The following TST variants were observed in gnomAD, a reference collection of about 807,000 sequenced individuals.
The protein encoded by TST is epididymis secretory sperm binding protein.
A neutral mutation model predicts 20.4 loss-of-function variants in TST; 22 were observed. That is an observed-to-expected ratio of 1.08 (90% CI 0.77 to 1.54). The LOEUF (loss-of-function observed/expected upper bound fraction) is 1.54. Ranked by LOEUF, TST falls within the 40% of genes most tolerant of loss-of-function variation. The probability of loss-of-function intolerance (pLI) is 0.00; values close to 1 mark genes in which losing one functional copy is unlikely to be tolerated. For synonymous variants in TST, 187 were observed against 173.8 expected, an observed-to-expected ratio of 1.08 and a Z score of -0.60; for missense variants, 392 against 405.2, an observed-to-expected ratio of 0.97 and a Z score of 0.28.
upstream of TST, chr22:37,019,512 G>GC (rs1344569412): frequency 2.7e-5 from 4 of 149,646 alleles, no homozygotes; most frequent in Non-Finnish European, 5.9e-5. Flanking sequence ...CCGCCAGAGG[G>GC]GGACCCTGCG....
rs556221872 is a variant in TST at position 37,015,727 on chromosome 22, C to G, written c.595+2411G>C. Among the ~76,000 whole-genome samples, 39 of 152,254 alleles carry G rather than the reference C, an allele frequency of 2.6e-4. 1 individual carries two copies. Among genetic ancestry groups the G allele is most frequent in the South Asian group, 1.5e-3 (7 of 4,826 alleles). On this transcript the variant is annotated intron_variant, in intron 2 of 2. Coordinates refer to ENST00000249042, the MANE Select transcript of TST (RefSeq NM_003312.6). ...ATGCCCCTGTGTGTTACATCTGGAC[C>G]GCTGAACCTACAGGGTGCCTCCCTG...
intron 2 of TST, among the ~76,000 whole-genome samples, chr22:37,011,728 A>G (rs530250571): frequency 3.3e-4 from 50 of 152,226 alleles, no homozygotes; most frequent in Non-Finnish European, 4.6e-4. Flanking sequence ...AACTTATTGC[A>G]AATGCTATGT....
At chr22:37,012,766 C>T (rs1161611392) in intron 2 of TST, among the ~76,000 whole-genome samples, 2 of 152,230 alleles carry the variant, frequency 1.3e-5, no homozygotes, top group African/African-American at 4.8e-5. Context: ...CCCACCTAGG[C>T]CGGATGCAGT....
In TST at chr22:37,018,653, G is replaced by C. The variant is rs755178962; in HGVS notation, c.80C>G (p.Pro27Arg). The C allele has an allele frequency of 1.3e-6, 2 of 1,562,578 alleles. No homozygotes were observed. Among genetic ancestry groups the C allele is most frequent in the Non-Finnish European group, 1.7e-6 (2 of 1,154,212 alleles). ...GGACGCGTCCAGCACCCGCAGGCCG[G>C]GCCCCAGCTTGCCAGTCCTGATGGA... Reference protein sequence around the residue: ...AESIRTGKLGPGLRVLDASWY... With the variant: ...AESIRTGKLGRGLRVLDASWY... Residue 27 changes from proline (P) to arginine (R), a missense_variant, in exon 2 of 3, where the codon CCC (proline) becomes CGC (arginine). Physicochemically the swap from Pro to Arg is moderately radical, Grantham distance 103. Transcript: ENST00000249042.
intron 2 of TST, among the ~76,000 whole-genome samples, chr22:37,017,491 C>G (rs928541326): frequency 6.6e-6 from 1 of 152,130 alleles, no homozygotes; most frequent in East Asian, 1.9e-4. Context: ...GCATCTCAGT[C>G]CCCCCACCCC....
intron 2 of TST, among the ~76,000 whole-genome samples, chr22:37,014,374 A>C (rs1318246725): frequency 2.0e-5 from 3 of 152,070 alleles, no homozygotes; most frequent in African/African-American, 7.2e-5. Context: ...CGTCTCAAAA[A>C]ACAAACAAAC....
At chr22:37,019,225 C>A (rs1922855137) in intron 1 of TST, 175 bp downstream of exon 1, 1 of 156,908 alleles carries the variant, frequency 6.4e-6, no homozygotes, top group Non-Finnish European at 1.4e-5. Context: ...GCAGCCCGAG[C>A]TCGCCCGCCT....
Position 37,018,484 on chromosome 22 carries a change from C to G in TST, c.249G>C (p.Glu83Asp). Residue 83 changes from glutamate (E) to aspartate (D), a missense_variant, in exon 2 of 3, where the codon GAG (glutamate) becomes GAC (aspartate). Transcript: ENST00000249042. ...MMLPSEAGFA[E>D]YVGRLGISNH... is the part of the protein sequence containing the mutation. ...TGCTGATGCCCAGGCGGCCCACATA[C>G]TCGGCGAAGCCAGCCTCGCTGGGCA... 6.2e-7 allele frequency: 1 copy of G among 1,610,058 alleles called. No homozygotes were observed. The highest frequency in any genetic ancestry group is 2.2e-5 in the East Asian group (1 of 44,798).
At chr22:37,018,789 G>T in intron 1 of TST, 36 bp from the exon 2 acceptor site, 3 of 1,398,532 alleles carry the variant, frequency 2.1e-6, no homozygotes, top group Non-Finnish European at 2.8e-6. Flanking sequence ...AGAGACAGGC[G>T]TGAGGAAGGA....
chr22:37,013,769 C>T (rs985143633), intron 2 of TST, among the ~76,000 whole-genome samples: 1 of 152,274 alleles, frequency 6.6e-6, no homozygotes, highest in African/African-American at 2.4e-5. Flanking sequence ...GCATTCTTTC[C>T]CAAGAAACCC....
At chr22:37,012,522 C>T (rs1041073349) in intron 2 of TST, among the ~76,000 whole-genome samples, 9 of 152,230 alleles carry the variant, frequency 5.9e-5, no homozygotes, top group African/African-American at 2.2e-4. Flanking sequence ...TCCCAGTGCC[C>T]AACCTGCACT....
Position 37,011,060 on chromosome 22 carries a change from G to A in TST, c.861C>T (p.Ser287=), listed in dbSNP as rs1313825719. The change falls in exon 3 of 3, where the codon AGC becomes AGT. Residue 287 remains serine (S), a synonymous_variant. Transcript: ENST00000249042. ...SEWFRRAPPE[S]RVSQGKSEKA ...TCTCAGACTTTCCCTGGGACACACG[G>A]CTCTCTGGGGGGGCCCGGCGAAACC... 6.2e-7 allele frequency: 1 copy of A among 1,611,626 alleles called. No individual in the cohort carries two copies. The highest frequency in any genetic ancestry group is 8.5e-7 in the Non-Finnish European group (1 of 1,179,710).
chr22:37,016,940 G>A (rs1922702916), intron 2 of TST, among the ~76,000 whole-genome samples: 1 of 152,242 alleles, frequency 6.6e-6, no homozygotes, highest in Non-Finnish European at 1.5e-5. Context: ...AGGCCCTCCA[G>A]CTCTAAGAGT....
In TST at chr22:37,011,066, T is replaced by C; in HGVS notation, c.855A>G (p.Pro285=). The C allele has an allele frequency of 1.2e-6, 2 of 1,611,794 alleles. No homozygotes were observed. The highest frequency in any genetic ancestry group is 1.7e-5 in the Admixed American group (1 of 60,010). Residue 285 remains proline (P), a synonymous_variant, in exon 3 of 3, where the codon CCA becomes CCG. Transcript: ENST00000249042. ...ACTTTCCCTGGGACACACGGCTCTC[T>C]GGGGGGGCCCGGCGAAACCACTCGG... ...SWSEWFRRAP[P]ESRVSQGKSE...
At chr22:37,018,893 G>C in intron 1 of TST, 140 bp from the exon 2 acceptor site, 1 of 595,212 alleles carries the variant, frequency 1.7e-6, no homozygotes, top group Non-Finnish European at 2.7e-6. Flanking sequence ...AGCGAGGCTG[G>C]GGCGTGCAGC....
Position 37,018,397 on chromosome 22 carries a change from G to A in TST, c.336C>T (p.Val112=), listed in dbSNP as rs1922787452. The change falls in exon 2 of 3, where the codon GTC becomes GTT. Residue 112 remains valine, a synonymous_variant. Transcript: ENST00000249042. ...EHLGSFYAPR[V]WWMFRVFGHR... The stretch of plus-strand genomic sequence containing the variant: ...GGCCAAACACACGGAACATCCACCA[G>A]ACCCGGGGAGCATAGAAGCTGCCCA... 1 of 1,613,716 alleles carries A rather than the reference G, an allele frequency of 6.2e-7. No homozygotes were observed. Among genetic ancestry groups the A allele is most frequent in the African/African-American group, 1.3e-5 (1 of 74,906 alleles).
chr22:37,011,459 A>G, intron 2 of TST, 134 bp from the exon 3 acceptor site: 1 of 1,005,392 alleles, frequency 9.9e-7, no homozygotes, highest in Non-Finnish European at 1.4e-6. Flanking sequence ...CTCTGCTTGG[A>G]GCTCAATTTA....
rs12157309 is a variant in TST, at chr22:37,018,743, C to T, written c.-11G>A. On this transcript the variant is annotated 5_prime_UTR_variant, in exon 2 of 3. Transcript: ENST00000249042. ...CACCTGATGAACCATGGCTTCAGCTCTGCGTGTCACCTGGCACGGGTGGGA... is the reference window on the plus strand; with the variant it reads ...CACCTGATGAACCATGGCTTCAGCTTTGCGTGTCACCTGGCACGGGTGGGA... 7 of 1,471,926 alleles carry T rather than the reference C, an allele frequency of 4.8e-6. No homozygotes were observed. The highest frequency in any genetic ancestry group is 6.3e-6 in the Non-Finnish European group (7 of 1,117,292). 91.2% of individuals were successfully genotyped at this position (1,471,926 alleles called of 1,614,324 possible).
At chr22:37,019,827 C>T (rs1922917069), upstream of TST, 1 of 1,202,058 alleles carries the variant, frequency 8.3e-7, no homozygotes, top group Non-Finnish European at 1.0e-6. Context: ...GGCGCCGCGC[C>T]GCGGGGGCCA....
Sources: gnomAD v4.1 joint callset for allele counts (sites outside exome capture counted in the v4.1 genomes callset) on GRCh38, gnomAD v4.1.1 for gene constraint, MANE v1.5 for transcripts, NCBI Gene and HGNC (gene_info 2026-07-23, HGNC 2026-07-21) for gene names.